Variants in AGAP4 observed in about 807,000 individuals in gnomAD.
The protein encoded by AGAP4 is arf-GAP with GTPase, ANK repeat and PH domain-containing protein 4.
A neutral mutation model predicts 60.7 loss-of-function variants in AGAP4; 13 were observed. The observed-to-expected ratio is 0.21, with a 90% CI of 0.14 to 0.34. The LOEUF (loss-of-function observed/expected upper bound fraction) is 0.34, where lower values mean the gene tolerates loss of function less well. Ranked by LOEUF, AGAP4 falls within the 10% of genes least tolerant of loss-of-function variation. The pLI, the probability that AGAP4 is intolerant of heterozygous loss-of-function variation, is 1.00. For synonymous variants in AGAP4, 70 were observed against 339.0 expected (o/e 0.21, Z 8.72); for missense variants, 169 against 884.0 (o/e 0.19, Z 10.26).
intron 5 of AGAP4, among the ~76,000 whole-genome samples, chr10:45,831,898 C>G (rs1459543826): frequency 6.8e-6 from 1 of 147,688 alleles, no homozygotes; most frequent in African/African-American, 2.5e-5. Context: ...TGCCACTATG[C>G]CCAGATAATG....
At chr10:45,849,734 G>T (rs2059059593), upstream of AGAP4, among the ~76,000 whole-genome samples, 3 of 150,696 alleles carry the variant, frequency 2.0e-5, no homozygotes, top group African/African-American at 7.3e-5. Context: ...TCCGCCTCCT[G>T]GGCTCAAGCG....
At chr10:45,846,190 A>G (rs1244147828) in intron 2 of AGAP4, among the ~76,000 whole-genome samples, 2 of 151,832 alleles carry the variant, frequency 1.3e-5, no homozygotes, top group African/African-American at 4.8e-5. Context: ...GAACTTTAAC[A>G]GAAAAGAGCT....
upstream of AGAP4, chr10:45,847,945 G>A: frequency 9.6e-7 from 1 of 1,039,258 alleles, no homozygotes. Context: ...AGCTTCCTGA[G>A]ATTTTAGTCC....
Position 45,853,683 on chromosome 10 carries a change from C to G in AGAP4, n.193G>C. 2.3e-6 allele frequency: 3 copies of G among 1,287,716 alleles called. No homozygotes were observed. The South Asian group carries it at 3.7e-5, about 16-fold the overall frequency. 79.8% of individuals were successfully genotyped at this position (1,287,716 alleles called of 1,614,324 possible). On this transcript the variant is annotated non_coding_transcript_exon_variant, in exon 1 of 10. Transcript: ENST00000430779. The stretch of plus-strand genomic sequence containing the variant: ...CAGAGGAGTCCAGTGGGTCCAGAAG[C>G]CCTTTGGATGTTGGTCAGAAGCTCC...
chr10:45,832,351 G>T (rs1190713713), intron 5 of AGAP4, among the ~76,000 whole-genome samples: 1 of 149,536 alleles, frequency 6.7e-6, no homozygotes, highest in Non-Finnish European at 1.5e-5. Flanking sequence ...CTTGCCCAAG[G>T]TCCCACCAAA....
chr10:45,830,731 C>T lies in AGAP4; in HGVS notation c.533+663G>A, dbSNP rs1250262304. Among the ~76,000 whole-genome samples, 12 of 130,676 alleles carry T rather than the reference C, an allele frequency of 9.2e-5. 1 individual carries two copies. Among genetic ancestry groups the T allele is most frequent in the East Asian group, 2.3e-4 (1 of 4,312 alleles). The allele number at this position is 130,676 out of a possible 152,430, so 85.7% of individuals were successfully genotyped here. A position where few individuals can be genotyped will look rare whatever the true frequency, so the allele number is the denominator to read the frequency against. ...CGATCTCCTGACCTTGTGATCCGCC[C>T]GCCTCAGCCTCCCAAAGTGCTGGGA... On this transcript the variant is annotated intron_variant, in intron 6 of 7. Transcript: ENST00000616763.
intron 5 of AGAP4, among the ~76,000 whole-genome samples, chr10:45,831,714 C>A (rs2058734475): frequency 8.6e-6 from 1 of 116,602 alleles, no homozygotes; most frequent in Non-Finnish European, 1.8e-5. Context: ...ACCCACGAAA[C>A]CTTTCGTCCC....
intron 4 of AGAP4, among the ~76,000 whole-genome samples, chr10:45,841,240 T>C (rs2058912305): frequency 7.4e-6 from 1 of 134,740 alleles, no homozygotes; most frequent in Non-Finnish European, 1.6e-5. Flanking sequence ...GTAGCTGAGA[T>C]TACAGGCATG....
intron 2 of AGAP4, among the ~76,000 whole-genome samples, chr10:45,844,701 TTTGAG>T (rs2058973959): frequency 2.1e-5 from 3 of 145,748 alleles, no homozygotes; most frequent in Non-Finnish European, 4.5e-5. Context: ...AAATTTTGGC[TTTGAG>T]TTGTGTAAAA....
chr10:45,847,496 C>T lies in AGAP4; in HGVS notation c.-149G>A. The stretch of plus-strand genomic sequence containing the variant: ...CACCTCACAGCGCGGCCCCGGGCAC[C>T]AGCCCTGGCCCTGGCCCTGGCCCCG... On this transcript the variant is annotated 5_prime_UTR_variant, in exon 1 of 8. Transcript: ENST00000616763. 1 of 1,527,352 alleles carries T rather than the reference C, an allele frequency of 6.5e-7. No homozygotes were observed. Among genetic ancestry groups the T allele is most frequent in the East Asian group, 2.4e-5 (1 of 40,938 alleles). 94.6% of individuals were successfully genotyped at this position (1,527,352 alleles called of 1,614,324 possible). A position where few individuals can be genotyped will look rare whatever the true frequency, so the allele number is the denominator to read the frequency against.
chr10:45,827,064 G>GT lies in AGAP4; in HGVS notation c.911dup (p.Tyr304Ter). Residue 304 changes from tyrosine (Y) to a stop codon, truncating the protein, a stop_gained and frameshift_variant, in exon 8 of 8, where the codon TAC becomes TAAC. Transcript: ENST00000616763. LOFTEE classifies it high-confidence loss of function. ...GCACGCCATTGGAACACAGGGTGAC[G>GT]TATTTCTTTTTCCATGTCTTCAGCC... ...GKWLKTWKKKYVTLCSNGVLT... is the reference protein window; with the variant it reads ...GKWLKTWKKK 1 of 1,233,062 alleles carries GT rather than the reference G, an allele frequency of 8.1e-7. No homozygotes were observed. The highest frequency in any genetic ancestry group is 1.1e-6 in the Non-Finnish European group (1 of 889,356). 76.4% of individuals were successfully genotyped at this position (1,233,062 alleles called of 1,614,324 possible).
chr10:45,853,389 C>T (rs1305033823), intron 1 of AGAP4, among the ~76,000 whole-genome samples: 3 of 151,176 alleles, frequency 2.0e-5, no homozygotes, highest in South Asian at 2.1e-4. Flanking sequence ...TGGAGAGACA[C>T]GCATTAGTGA....
upstream of AGAP4, among the ~76,000 whole-genome samples, chr10:45,850,756 G>T (rs1338247995): frequency 6.6e-6 from 1 of 152,044 alleles, no homozygotes; most frequent in Non-Finnish European, 1.5e-5. Context: ...GGGGAAGACT[G>T]GGTATGTAGC....
At chr10:45,848,797 G>A (rs1400485643), upstream of AGAP4, 1 of 152,014 alleles carries the variant, frequency 6.6e-6, no homozygotes, top group Non-Finnish European at 1.5e-5. Context: ...GAGGCCTCAG[G>A]AAACTTAGAA....
Position 45,846,283 on chromosome 10 carries a change from T to A in AGAP4, c.292+404A>T, listed in dbSNP as rs1387954142. 8.8e-4 allele frequency among the ~76,000 whole-genome samples: 132 copies of A among 150,736 alleles called. 1 individual carries two copies. The highest frequency in any genetic ancestry group is 3.1e-3 in the African/African-American group (127 of 41,116). The stretch of plus-strand genomic sequence containing the variant: ...GCCCCGGCTGTGACATTTCACACCT[T>A]TCACAATTATTTTAAGCACTCTCCT... On this transcript the variant is annotated intron_variant, in intron 2 of 7. Coordinates refer to ENST00000616763, the MANE Select transcript of AGAP4 (RefSeq NM_001276343.3).
chr10:45,853,767 T>C, exon 1 of AGAP4: 3 of 1,287,818 alleles, frequency 2.3e-6, no homozygotes, highest in African/African-American at 1.5e-5. Flanking sequence ...ACAGTTCTCA[T>C]GGACAAAGTT....
At chr10:45,834,651 GCAGA>G (rs1422932197) in intron 4 of AGAP4, among the ~76,000 whole-genome samples, 2 of 62,378 alleles carry the variant, frequency 3.2e-5, no homozygotes, top group East Asian at 5.7e-4. Flanking sequence ...CTCCAGGCCG[GCAGA>G]CAAAGTGAGA....
upstream of AGAP4, among the ~76,000 whole-genome samples, chr10:45,851,503 G>A (rs2059083640): frequency 6.6e-6 from 1 of 151,974 alleles, no homozygotes; most frequent in African/African-American, 2.4e-5. Flanking sequence ...GTGTGTGTGA[G>A]CGAGCTGGAT....
chr10:45,844,572 C>T (rs1311360883), intron 2 of AGAP4, 178 bp from the exon 3 acceptor site: 35 of 1,044,822 alleles, frequency 3.3e-5, no homozygotes, highest in Non-Finnish European at 4.2e-5. Flanking sequence ...CTTGTAGTCC[C>T]AGCTACTCAG....
Sources: allele counts gnomAD v4.1 joint callset (sites outside exome capture counted in the v4.1 genomes callset), GRCh38; gene constraint gnomAD v4.1.1; transcripts MANE v1.5; gene names NCBI Gene and HGNC (gene_info 2026-07-23, HGNC 2026-07-21).